SMYD3: variants seen among roughly 807,000 people sequenced by gnomAD.
SMYD3 encodes the protein SET and MYND domain containing 3.
A neutral mutation model predicts 57.7 loss-of-function variants in SMYD3; 36 were observed. That is an observed-to-expected ratio of 0.62 (90% CI 0.48 to 0.82). SMYD3 has a LOEUF of 0.82. Ranked by LOEUF, SMYD3 falls within the 40% of genes least tolerant of loss-of-function variation. The pLI is 0.00. For missense variants in SMYD3, 515 were observed against 538.8 expected (o/e 0.96, Z 0.44); for synonymous variants, 211 against 195.0 (o/e 1.08, Z -0.68).
chr1:246,159,661 T>C (rs1277700830), intron 5 of SMYD3, among the ~76,000 whole-genome samples: 1 of 152,050 alleles, frequency 6.6e-6, no homozygotes, highest in Non-Finnish European at 1.5e-5. Context: ...GGCAGGGCCA[T>C]GGCAAGTGCG....
rs142593645 is a variant in SMYD3, at chr1:246,353,361, C to T, written c.228+1670G>A. Among the ~76,000 whole-genome samples, 1,281 of 152,074 alleles carry T rather than the reference C, an allele frequency of 8.4e-3. 6 individuals carry two copies. Among genetic ancestry groups the T allele is most frequent in the Admixed American group, 0.014 (221 of 15,272 alleles). On this transcript the variant is annotated intron_variant, in intron 2 of 11. Coordinates refer to ENST00000490107, the MANE Select transcript of SMYD3 (RefSeq NM_001167740.2). ...TGGGCAAACAGTGAGATCTCGTCTC[C>T]ATTAAAATTTTTTTTTAAATTACCT...
At chr1:245,947,246 A>C in intron 5 of SMYD3, 1 of 397,930 alleles carries the variant, frequency 2.5e-6, no homozygotes, top group South Asian at 1.9e-5. Flanking sequence ...GGCTGCAAAG[A>C]TAAATCGGCT....
At chr1:246,252,537 A>C (rs181882138) in intron 5 of SMYD3, among the ~76,000 whole-genome samples, 157 of 151,746 alleles carry the variant, frequency 1.0e-3, no homozygotes, top group African/African-American at 3.4e-3. Context: ...TTATTCTGTT[A>C]AAGGTTTCTG....
intron 10 of SMYD3, among the ~76,000 whole-genome samples, chr1:245,795,227 C>G (rs1200803266): frequency 2.0e-5 from 3 of 152,202 alleles, no homozygotes; most frequent in African/African-American, 7.2e-5. Context: ...GGCTCAGGCC[C>G]TGGTCAGGAT....
At position 246,353,023 on chromosome 1, in the gene SMYD3, A is replaced by C. The variant is rs77991999; in HGVS notation, c.228+2008T>G. On this transcript the variant is annotated intron_variant, in intron 2 of 11. Coordinates refer to ENST00000490107, the MANE Select transcript of SMYD3 (RefSeq NM_001167740.2). The stretch of plus-strand genomic sequence containing the variant: ...AAATAGCTGAGCTTCACGTGAATAA[A>C]ACACCTAGAACATCACCATAAACCA... 9.2e-3 allele frequency among the ~76,000 whole-genome samples: 1,394 copies of C among 152,302 alleles called. 25 individuals are homozygous for C. The highest frequency in any genetic ancestry group is 0.031 in the African/African-American group (1,293 of 41,562).
In SMYD3 at chr1:245,845,952, C is replaced by T. The variant is rs2050641811; in HGVS notation, c.1076+12544G>A. The stretch of plus-strand genomic sequence containing the variant: ...GCATTTTTGGCAGGGCTGCCAGCAC[C>T]TCATCTCCCTCGGTCCAGGCAGGGT... On this transcript the variant is annotated intron_variant, in intron 10 of 11. Coordinates refer to ENST00000490107, the MANE Select transcript of SMYD3 (RefSeq NM_001167740.2). Among the ~76,000 whole-genome samples, 3 of 152,248 alleles carry T rather than the reference C, an allele frequency of 2.0e-5. No individual in the cohort carries two copies. In the South Asian group the frequency reaches 6.2e-4, roughly 31 times the overall value.
intron 1 of SMYD3, among the ~76,000 whole-genome samples, chr1:246,414,717 G>GTT (rs1311609589): frequency 0.56 from 69,454 of 123,196 alleles, 20,575 homozygotes; most frequent in Middle Eastern, 0.63. Context: ...TTTTTTGCTG[G>GTT]TTTTTTTTTT....
intron 10 of SMYD3, among the ~76,000 whole-genome samples, chr1:245,797,582 A>T (rs2817477): frequency 0.21 from 32,301 of 150,452 alleles, 4,865 homozygotes; most frequent in African/African-American, 0.43. Context: ...GTAAATGACA[A>T]GTTAATGGGT....
chr1:246,407,707 T>C (rs1417960829), intron 1 of SMYD3, among the ~76,000 whole-genome samples: 2 of 151,864 alleles, frequency 1.3e-5, no homozygotes, highest in Non-Finnish European at 2.9e-5. Context: ...CCAGGAGTGG[T>C]GGCAAGCGCC....
At chr1:246,260,054 A>C (rs1166885248) in intron 5 of SMYD3, among the ~76,000 whole-genome samples, 1 of 152,164 alleles carries the variant, frequency 6.6e-6, no homozygotes, top group Non-Finnish European at 1.5e-5. Context: ...GGTGTTCTGA[A>C]TACCTGGAGA....
chr1:245,935,172 ACCTAAAATAT>A (rs2056929508), intron 5 of SMYD3, among the ~76,000 whole-genome samples: 1 of 152,242 alleles, frequency 6.6e-6, no homozygotes, highest in South Asian at 2.1e-4. Context: ...AGAGGTTAAT[ACCTAAAATAT>A]ATAAGAAACT....
intron 1 of SMYD3, among the ~76,000 whole-genome samples, chr1:246,486,131 T>C (rs2068184831): frequency 6.6e-6 from 1 of 152,228 alleles, no homozygotes; most frequent in African/African-American, 2.4e-5. Flanking sequence ...ATTATCTCAT[T>C]TGTTCTTTTA....
In SMYD3 at chr1:245,908,414, A is replaced by G. The variant is rs886464954; in HGVS notation, c.813+7116T>C. Among the ~76,000 whole-genome samples the G allele has an allele frequency of 8.5e-5, 13 of 152,354 alleles. 1 individual carries two copies. Among genetic ancestry groups the G allele is most frequent in the African/African-American group, 3.1e-4 (13 of 41,584 alleles). On this transcript the variant is annotated intron_variant, in intron 8 of 11. Transcript: ENST00000490107. ...CAATACACTAATAGTTGGGGACTTC[A>G]GCAGTGGACAGATCATCTAGACAGA...
At chr1:246,262,289 C>T (rs920279339) in intron 5 of SMYD3, among the ~76,000 whole-genome samples, 7 of 152,142 alleles carry the variant, frequency 4.6e-5, no homozygotes, top group South Asian at 2.1e-4. Context: ...TGAAGTCTAA[C>T]GATATGGTGG....
At chr1:246,420,723 A>G (rs2067130647) in intron 1 of SMYD3, among the ~76,000 whole-genome samples, 1 of 152,244 alleles carries the variant, frequency 6.6e-6, no homozygotes, top group Non-Finnish European at 1.5e-5. Flanking sequence ...AAATCTTCAA[A>G]AAAGTATTAA....
At chr1:245,880,094 T>C (rs1001101394) in intron 8 of SMYD3, among the ~76,000 whole-genome samples, 3 of 151,912 alleles carry the variant, frequency 2.0e-5, no homozygotes, top group African/African-American at 7.2e-5. Flanking sequence ...ACGCCAGAGA[T>C]AGCACAGGTG....
At chr1:245,863,763 C>T in intron 9 of SMYD3, 36 bp downstream of exon 9, 5 of 1,588,294 alleles carry the variant, frequency 3.1e-6, no homozygotes, top group Non-Finnish European at 4.3e-6. Flanking sequence ...GGAAACAATC[C>T]CAACAGTCCA....
At chr1:246,463,661 CA>C (rs35482116) in intron 1 of SMYD3, among the ~76,000 whole-genome samples, 2,539 of 73,074 alleles carry the variant, frequency 0.035, 28 homozygotes, top group East Asian at 0.063. Flanking sequence ...ACTAAAAATA[CA>C]AAAAAAAAAA....
intron 5 of SMYD3, among the ~76,000 whole-genome samples, chr1:246,027,181 C>G (rs1473039267): frequency 6.6e-6 from 1 of 152,148 alleles, no homozygotes; most frequent in South Asian, 2.1e-4. Flanking sequence ...TGGAAAGTAG[C>G]AGAGGTTGGT....
Sources: gnomAD v4.1 joint callset for allele counts (sites outside exome capture counted in the v4.1 genomes callset) on GRCh38, gnomAD v4.1.1 for gene constraint, MANE v1.5 for transcripts, NCBI Gene and HGNC (gene_info 2026-07-23, HGNC 2026-07-21) for gene names.